The following REV3L variants were observed in gnomAD, a reference collection of about 807,000 sequenced individuals.
REV3L encodes REV3 like, DNA directed polymerase zeta catalytic subunit, also known as DNA polymerase zeta catalytic subunit.
A neutral mutation model predicts 299.4 loss-of-function variants in REV3L; 69 were observed. The ratio of observed to expected loss-of-function variants is 0.23; its 90% CI spans 0.19 to 0.28. The LOEUF is 0.28. REV3L is among the 10% of genes least tolerant of loss of function. The pLI is 1.00. For synonymous variants in REV3L, 1,238 were observed against 1,271.4 expected, an observed-to-expected ratio of 0.97 and a Z score of 0.56; for missense variants, 3,128 against 3,693.8, an observed-to-expected ratio of 0.85 and a Z score of 3.97.
chr6:111,398,889 G>A (rs141929865), intron 4 of REV3L, among the ~76,000 whole-genome samples: 2 of 152,188 alleles, frequency 1.3e-5, no homozygotes, highest in East Asian at 3.9e-4. Context: ...CAATTTCCCT[G>A]TTTTTAACTT....
intron 1 of REV3L, among the ~76,000 whole-genome samples, chr6:111,452,718 G>C (rs1328384840): frequency 6.6e-6 from 1 of 152,114 alleles, no homozygotes; most frequent in Admixed American, 6.6e-5. Flanking sequence ...CCATGACTGT[G>C]GTGATGATGG....
intron 1 of REV3L, among the ~76,000 whole-genome samples, chr6:111,457,449 A>T (rs1790279229): frequency 6.6e-6 from 1 of 152,046 alleles, no homozygotes; most frequent in East Asian, 1.9e-4. Context: ...ATGGTCCCTA[A>T]ATCTAAGCAG....
At chr6:111,482,422 G>A (rs993543582) in intron 1 of REV3L, among the ~76,000 whole-genome samples, 2 of 152,184 alleles carry the variant, frequency 1.3e-5, no homozygotes, top group Non-Finnish European at 2.9e-5. Context: ...CTGGCCCGCC[G>A]TCCGGGGCGC....
intron 1 of REV3L, among the ~76,000 whole-genome samples, chr6:111,472,307 TATAA>T (rs1792318923): frequency 6.6e-6 from 1 of 152,164 alleles, no homozygotes; most frequent in African/African-American, 2.4e-5. Flanking sequence ...TACTTTGAAG[TATAA>T]ATATATATGC....
Position 111,335,825 on chromosome 6 carries a change from T to A in REV3L, c.7539-215A>T, listed in dbSNP as rs549179875. Among the ~76,000 whole-genome samples, 2 of 152,292 alleles carry A rather than the reference T, an allele frequency of 1.3e-5. 1 individual carries two copies. The highest frequency in any genetic ancestry group is 4.1e-4 in the South Asian group (2 of 4,830). On this transcript the variant is annotated intron_variant, in intron 21 of 31. Coordinates refer to ENST00000368802, the MANE Select transcript of REV3L (RefSeq NM_001372078.1). ...GAAAACCAGTAAAGATACACAAAAT[T>A]TAAAATAGTACTTGTGATTAGGTGG...
At chr6:111,358,544 C>G (rs910477711) in intron 17 of REV3L, among the ~76,000 whole-genome samples, 1 of 152,130 alleles carries the variant, frequency 6.6e-6, no homozygotes. Flanking sequence ...TGCACTACAG[C>G]CCCAAACTCC....
At position 111,464,262 on chromosome 6, in the gene REV3L, T is replaced by C. The variant is rs191874479; in HGVS notation, c.139+18488A>G. 1.6e-4 allele frequency among the ~76,000 whole-genome samples: 24 copies of C among 152,342 alleles called. No homozygotes were observed. In the East Asian group the frequency reaches 2.5e-3, roughly 16 times the overall value. ...AATGTTTTCATCTAAGTGGGTTGTA[T>C]ACGATCATTAGTTCTTTATGCTAGG... On this transcript the variant is annotated intron_variant, in intron 1 of 31. Coordinates refer to ENST00000368802, the MANE Select transcript of REV3L (RefSeq NM_001372078.1).
At chr6:111,430,345 A>G (rs1786750157) in intron 1 of REV3L, 3 of 1,180,452 alleles carry the variant, frequency 2.5e-6, no homozygotes, top group Non-Finnish European at 3.8e-6. Context: ...CATGATCATT[A>G]AACACCCAAT....
In REV3L at chr6:111,318,846, C is replaced by T. The variant is rs957143227; in HGVS notation, c.8352-3465G>A. ...TGCTGGGATTACAGGCATGAGCCACCGCGCCCGGCCGTATGCAACATTTAA... is the reference window on the plus strand; with the variant it reads ...TGCTGGGATTACAGGCATGAGCCACTGCGCCCGGCCGTATGCAACATTTAA... On this transcript the variant is annotated intron_variant, in intron 26 of 31. Transcript: ENST00000368802. 4.6e-5 allele frequency among the ~76,000 whole-genome samples: 7 copies of T among 152,042 alleles called. No homozygotes were observed. The East Asian group carries it at 7.7e-4, about 17-fold the overall frequency.
At chr6:111,465,198 A>G (rs1220922866) in intron 1 of REV3L, among the ~76,000 whole-genome samples, 2 of 146,738 alleles carry the variant, frequency 1.4e-5, no homozygotes, top group Non-Finnish European at 3.0e-5. Flanking sequence ...CTCCTGGCTC[A>G]GCCCCCTGAG....
chr6:111,443,965 C>A (rs1583015382), intron 1 of REV3L, among the ~76,000 whole-genome samples: 1 of 152,168 alleles, frequency 6.6e-6, no homozygotes, highest in East Asian at 1.9e-4. Flanking sequence ...TCAAAGAGAA[C>A]TGATTTTAAA....
intron 1 of REV3L, among the ~76,000 whole-genome samples, chr6:111,469,610 C>A (rs1026153793): frequency 6.6e-6 from 1 of 152,184 alleles, no homozygotes; most frequent in East Asian, 1.9e-4. Flanking sequence ...CTTGCTGTCA[C>A]TAGTTACTTC....
At chr6:111,480,475 A>G (rs1161809276) in intron 1 of REV3L, among the ~76,000 whole-genome samples, 1 of 152,138 alleles carries the variant, frequency 6.6e-6, no homozygotes, top group Non-Finnish European at 1.5e-5. Flanking sequence ...AGATAATTCA[A>G]AAGCAGGTAA....
In REV3L at chr6:111,439,810, C is replaced by T. The variant is rs191506919; in HGVS notation, c.140-23338G>A. Among the ~76,000 whole-genome samples, 10 of 152,194 alleles carry T rather than the reference C, an allele frequency of 6.6e-5. No homozygotes were observed. The East Asian group carries it at 1.7e-3, about 26-fold the overall frequency. ...AACCAATACATCTGAAAAGTATGCT[C>T]GGCAAATCAATGAGATGCACCGAAA... On this transcript the variant is annotated intron_variant, in intron 1 of 31. Coordinates refer to ENST00000368802, the MANE Select transcript of REV3L (RefSeq NM_001372078.1).
chr6:111,430,506 G>C (rs1469818691), intron 1 of REV3L: 1 of 1,552,384 alleles, frequency 6.4e-7, no homozygotes, highest in South Asian at 1.1e-5. Context: ...GTTGCACTCG[G>C]GGATGAAAAT....
intron 1 of REV3L, among the ~76,000 whole-genome samples, chr6:111,465,081 ATTTGT>A (rs1364872754): frequency 7.6e-6 from 1 of 132,002 alleles, no homozygotes; most frequent in African/African-American, 2.6e-5. Flanking sequence ...AGTTATTTTT[ATTTGT>A]TTTTTTTTTT....
At chr6:111,378,561 G>A (rs1780530870) in intron 11 of REV3L, among the ~76,000 whole-genome samples, 1 of 152,034 alleles carries the variant, frequency 6.6e-6, no homozygotes, top group Non-Finnish European at 1.5e-5. Flanking sequence ...TACCCAATGC[G>A]AAAACCTCAT....
intron 31 of REV3L, among the ~76,000 whole-genome samples, chr6:111,303,012 G>A (rs956915478): frequency 6.6e-6 from 1 of 151,790 alleles, no homozygotes; most frequent in African/African-American, 2.4e-5. Flanking sequence ...TCTAGAATCT[G>A]ATTTGCAGTG....
intron 16 of REV3L, among the ~76,000 whole-genome samples, chr6:111,361,854 G>A (rs193168366): frequency 2.7e-4 from 41 of 152,256 alleles, no homozygotes; most frequent in Admixed American, 2.2e-3. Flanking sequence ...ACCACCGGGC[G>A]GCAGTTTGGA....
Sources: allele counts gnomAD v4.1 joint callset (sites outside exome capture counted in the v4.1 genomes callset), GRCh38; gene constraint gnomAD v4.1.1; transcripts MANE v1.5; gene names NCBI Gene and HGNC (gene_info 2026-07-23, HGNC 2026-07-21).